The following PHKB variants were observed in gnomAD, a reference collection of about 807,000 sequenced individuals.
The protein encoded by PHKB is phosphorylase b kinase regulatory subunit beta.
PHKB carries 122 observed loss-of-function variants against 152.1 expected under a neutral mutation model. That is an observed-to-expected ratio of 0.80 (90% confidence interval 0.69 to 0.93). The LOEUF (loss-of-function observed/expected upper bound fraction) is 0.93, where lower values mean the gene tolerates loss of function less well. PHKB is among the 40% of genes least tolerant of loss of function. The pLI, the probability that PHKB is intolerant of heterozygous loss-of-function variation, is 0.00. For synonymous variants in PHKB, 436 were observed against 464.9 expected (o/e 0.94, Z 0.80); for missense variants, 1,304 against 1,328.4 (o/e 0.98, Z 0.29).
intron 20 of PHKB, among the ~76,000 whole-genome samples, chr16:47,654,723 G>A: frequency 6.7e-6 from 1 of 149,948 alleles, no homozygotes; most frequent in East Asian, 2.0e-4. Flanking sequence ...AACACCACAT[G>A]TTCTCACTCA....
chr16:47,630,031 G>A lies in PHKB; in HGVS notation c.1459-11004G>A, dbSNP rs532914250. On this transcript the variant is annotated intron_variant, in intron 14 of 30. Coordinates refer to ENST00000323584, the MANE Select transcript of PHKB (RefSeq NM_000293.3). Reference sequence around the variant, plus strand: ...ACACTCTGGGGACTGTTGTGGGGTCGGGGGAGGAGGGGGGGATGGCAATGG... The same window carrying A: ...ACACTCTGGGGACTGTTGTGGGGTCAGGGGAGGAGGGGGGGATGGCAATGG... Among the ~76,000 whole-genome samples, 14 of 151,956 alleles carry A rather than the reference G, an allele frequency of 9.2e-5. No individual in the cohort carries two copies. The East Asian group carries it at 2.3e-3, about 25-fold the overall frequency.
At chr16:47,577,975 A>C (rs1047269523) in intron 7 of PHKB, among the ~76,000 whole-genome samples, 1 of 152,118 alleles carries the variant, frequency 6.6e-6, no homozygotes, top group Non-Finnish European at 1.5e-5. Flanking sequence ...CTTTGTTATG[A>C]TCCCACAAAT....
intron 16 of PHKB, among the ~76,000 whole-genome samples, chr16:47,645,681 T>A (rs1273291256): frequency 6.6e-6 from 1 of 151,728 alleles, no homozygotes; most frequent in African/African-American, 2.4e-5. Context: ...GGCTTAGGAT[T>A]GACTTGGCGA....
intron 26 of PHKB, among the ~76,000 whole-genome samples, chr16:47,686,762 A>G (rs1308166527): frequency 6.6e-6 from 1 of 152,300 alleles, no homozygotes; most frequent in East Asian, 1.9e-4. Context: ...ATTTTGCTAT[A>G]GTATACTATG....
intron 13 of PHKB, among the ~76,000 whole-genome samples, chr16:47,600,627 T>A (rs1204555850): frequency 6.6e-6 from 1 of 152,238 alleles, no homozygotes; most frequent in Non-Finnish European, 1.5e-5. Context: ...ACGACGTACC[T>A]AGCCTATATG....
At chr16:47,602,542 C>CTTTTTTTTTTTTTT (rs34655174) in intron 13 of PHKB, among the ~76,000 whole-genome samples, 8 of 122,626 alleles carry the variant, frequency 6.5e-5, no homozygotes, top group Admixed American at 8.6e-5. Context: ...GCTTCTCTTC[C>CTTTTTTTTTTTTTT]TTTTTTTTTT....
intron 25 of PHKB, among the ~76,000 whole-genome samples, chr16:47,668,989 C>T (rs894239429): frequency 7.9e-5 from 12 of 152,242 alleles, no homozygotes; most frequent in African/African-American, 2.9e-4. Context: ...AACTGGAACC[C>T]TCACCTGCCC....
chr16:47,524,727 T>G (rs1250404970), intron 6 of PHKB, among the ~76,000 whole-genome samples: 1 of 152,230 alleles, frequency 6.6e-6, no homozygotes, highest in Non-Finnish European at 1.5e-5. Context: ...AAGCTACTAA[T>G]GATAAGATTA....
intron 26 of PHKB, among the ~76,000 whole-genome samples, chr16:47,686,131 G>T (rs1973961590): frequency 6.6e-6 from 1 of 152,174 alleles, no homozygotes; most frequent in African/African-American, 2.4e-5. Context: ...TGAGAACAGT[G>T]TTGTCAATAA....
intron 6 of PHKB, among the ~76,000 whole-genome samples, chr16:47,546,144 A>C (rs1971159901): frequency 6.6e-6 from 1 of 152,086 alleles, no homozygotes; most frequent in Non-Finnish European, 1.5e-5. Flanking sequence ...GCTGGTGAGG[A>C]GCTACGGTTC....
rs369631580 is a variant in PHKB, at chr16:47,557,786, A to G, written c.710+10238A>G. Among the ~76,000 whole-genome samples, 184 of 152,074 alleles carry G rather than the reference A, an allele frequency of 1.2e-3. No individual in the cohort carries two copies. In the East Asian group the frequency reaches 0.027, roughly 22 times the overall value. ...TAGGAACACTTTTACACTGTTGGTG[A>G]GACTGTAAACTAGTTCAACCATTGT... On this transcript the variant is annotated intron_variant, in intron 7 of 30. Transcript: ENST00000323584.
chr16:47,495,050 A>G lies in PHKB; in HGVS notation c.77-2349A>G, dbSNP rs375668341. Among the ~76,000 whole-genome samples, 12 of 152,170 alleles carry G rather than the reference A, an allele frequency of 7.9e-5. No individual in the cohort carries two copies. In the South Asian group the frequency reaches 1.0e-3, roughly 13 times the overall value. On this transcript the variant is annotated intron_variant, in intron 1 of 30. Transcript: ENST00000323584. The stretch of plus-strand genomic sequence containing the variant: ...CTTATCATGGGCGTTCTTTGAATGT[A>G]TAATTTAGATGATTTTACTTTTACC...
chr16:47,565,591 C>G, intron 7 of PHKB: 3 of 1,066,260 alleles, frequency 2.8e-6, no homozygotes, highest in Non-Finnish European at 4.4e-6. Context: ...AGACTTCTCA[C>G]TCTCCCTCGT....
At chr16:47,530,909 C>T (rs944504547) in intron 6 of PHKB, among the ~76,000 whole-genome samples, 2 of 152,070 alleles carry the variant, frequency 1.3e-5, no homozygotes, top group South Asian at 2.1e-4. Flanking sequence ...ACAAAATTTC[C>T]GTAGACGTCT....
intron 16 of PHKB, among the ~76,000 whole-genome samples, chr16:47,648,322 T>G (rs1973171388): frequency 6.6e-6 from 1 of 152,190 alleles, no homozygotes; most frequent in East Asian, 1.9e-4. Flanking sequence ...TGTTGCTAAG[T>G]AGATCTGCAG....
chr16:47,483,030 A>ATT (rs1485530903), intron 1 of PHKB, among the ~76,000 whole-genome samples: 1 of 122,186 alleles, frequency 8.2e-6, no homozygotes, highest in Non-Finnish European at 1.7e-5. Context: ...CTATTAAATA[A>ATT]TTTCTTTTTT....
chr16:47,584,635 C>T (rs998071369), intron 8 of PHKB, among the ~76,000 whole-genome samples: 5 of 152,134 alleles, frequency 3.3e-5, no homozygotes, highest in African/African-American at 4.8e-5. Context: ...CAGTAAATAC[C>T]CTTTCCGGAA....
intron 6 of PHKB, among the ~76,000 whole-genome samples, chr16:47,541,261 C>T (rs963340064): frequency 6.6e-6 from 1 of 152,092 alleles, no homozygotes; most frequent in Non-Finnish European, 1.5e-5. Flanking sequence ...GTTTTCTGTC[C>T]TTGCAATAGT....
At chr16:47,689,377 G>T (rs1383948038) in intron 27 of PHKB, among the ~76,000 whole-genome samples, 1 of 151,944 alleles carries the variant, frequency 6.6e-6, no homozygotes, top group African/African-American at 2.4e-5. Context: ...GCATTGATTT[G>T]AATTTTATGC....
Sources: allele counts gnomAD v4.1 joint callset (sites outside exome capture counted in the v4.1 genomes callset), GRCh38; gene constraint gnomAD v4.1.1; transcripts MANE v1.5; gene names NCBI Gene and HGNC (gene_info 2026-07-23, HGNC 2026-07-21).